RABGAP1L: variants seen among roughly 807,000 people sequenced by gnomAD.
The protein encoded by RABGAP1L is RAB GTPase activating protein 1 like, also known as rab GTPase-activating protein 1-like.
A neutral mutation model predicts 137.7 loss-of-function variants in RABGAP1L; 63 were observed. That is an observed-to-expected ratio of 0.46 (90% CI 0.37 to 0.56). The LOEUF (loss-of-function observed/expected upper bound fraction) is 0.56. Ranked by LOEUF, RABGAP1L falls within the 20% of genes least tolerant of loss-of-function variation. RABGAP1L has a pLI of 0.00. For synonymous variants in RABGAP1L, 431 were observed against 433.7 expected, an observed-to-expected ratio of 0.99 and a Z score of 0.08; for missense variants, 1,095 against 1,244.0, an observed-to-expected ratio of 0.88 and a Z score of 1.80.
chr1:174,540,811 T>C (rs1011372243), intron 13 of RABGAP1L, among the ~76,000 whole-genome samples: 5 of 152,180 alleles, frequency 3.3e-5, no homozygotes, highest in Non-Finnish European at 5.9e-5. Flanking sequence ...TTTAAAGTAG[T>C]TTTTTCCAAT....
intron 13 of RABGAP1L, among the ~76,000 whole-genome samples, chr1:174,431,828 G>A (rs1652667568): frequency 6.6e-6 from 1 of 152,140 alleles, no homozygotes. Flanking sequence ...ATTAAATTAT[G>A]TCAGAATTCT....
chr1:174,675,410 G>A (rs1319409575), intron 14 of RABGAP1L, among the ~76,000 whole-genome samples: 27 of 149,140 alleles, frequency 1.8e-4, no homozygotes, highest in African/African-American at 3.9e-4. Flanking sequence ...GATATGTGGC[G>A]TTATTTCTGA....
intron 18 of RABGAP1L, among the ~76,000 whole-genome samples, chr1:174,797,262 A>G (rs916833631): frequency 1.3e-5 from 2 of 152,192 alleles, no homozygotes; most frequent in Non-Finnish European, 2.9e-5. Flanking sequence ...TCAACTAGAA[A>G]AAAATCCTAT....
At chr1:174,171,550 T>C (rs1411560867) in intron 1 of RABGAP1L, among the ~76,000 whole-genome samples, 1 of 152,128 alleles carries the variant, frequency 6.6e-6, no homozygotes, top group Non-Finnish European at 1.5e-5. Context: ...TGAATAATTA[T>C]AGACTTCGCG....
intron 14 of RABGAP1L, among the ~76,000 whole-genome samples, chr1:174,647,963 A>G (rs1191352608): frequency 2.0e-5 from 3 of 151,904 alleles, no homozygotes; most frequent in Admixed American, 2.0e-4. Context: ...GAATTCATCC[A>G]TTTCTTCTAG....
intron 18 of RABGAP1L, among the ~76,000 whole-genome samples, chr1:174,801,899 G>A (rs1224090532): frequency 6.6e-6 from 1 of 152,162 alleles, no homozygotes; most frequent in African/African-American, 2.4e-5. Context: ...ATCAGGCTTG[G>A]TCTAATATAT....
intron 18 of RABGAP1L, among the ~76,000 whole-genome samples, chr1:174,765,844 G>T (rs1174016585): frequency 6.6e-6 from 1 of 152,076 alleles, no homozygotes; most frequent in African/African-American, 2.4e-5. Context: ...TTTTATAATT[G>T]TAGCTTTTAC....
intron 13 of RABGAP1L, among the ~76,000 whole-genome samples, 172 bp from the exon 14 acceptor site, chr1:174,637,203 G>T (rs528917254): frequency 8.5e-5 from 13 of 152,306 alleles, no homozygotes; most frequent in African/African-American, 2.6e-4. Flanking sequence ...CAAAGGAGCT[G>T]TTGGTAGCAC....
chr1:174,562,229 G>A (rs1290811058), intron 13 of RABGAP1L, among the ~76,000 whole-genome samples: 1 of 152,206 alleles, frequency 6.6e-6, no homozygotes, highest in Non-Finnish European at 1.5e-5. Context: ...AGACATTTAT[G>A]CAGCCAACAA....
intron 17 of RABGAP1L, among the ~76,000 whole-genome samples, chr1:174,707,158 A>C (rs1419398368): frequency 6.6e-6 from 1 of 152,208 alleles, no homozygotes; most frequent in Non-Finnish European, 1.5e-5. Flanking sequence ...CATGAGCATT[A>C]ACTTTGAGTT....
chr1:174,558,817 T>C lies in RABGAP1L; in HGVS notation c.1711-78558T>C, dbSNP rs187186689. Among the ~76,000 whole-genome samples the C allele has an allele frequency of 2.8e-3, 434 of 152,334 alleles. 5 individuals are homozygous for C. Among genetic ancestry groups the C allele is most frequent in the African/African-American group, 9.9e-3 (413 of 41,588 alleles). On this transcript the variant is annotated intron_variant, in intron 13 of 25. Transcript: ENST00000681986. ...AAGACATGACAAATCTATAGACTTA[T>C]GGTTCAGGCAGATACTTTCTTTAGT...
chr1:174,894,178 A>C (rs1656749003), intron 19 of RABGAP1L, among the ~76,000 whole-genome samples: 1 of 152,264 alleles, frequency 6.6e-6, no homozygotes, highest in African/African-American at 2.4e-5. Flanking sequence ...TCCTCTAAAT[A>C]GTTAACATTT....
chr1:174,712,669 A>G (rs1680653246), intron 17 of RABGAP1L, among the ~76,000 whole-genome samples: 1 of 152,216 alleles, frequency 6.6e-6, no homozygotes, highest in Non-Finnish European at 1.5e-5. Flanking sequence ...CAGGCTGCCC[A>G]GCAGTAGCTA....
chr1:174,903,738 G>T (rs1558213274), intron 19 of RABGAP1L, among the ~76,000 whole-genome samples: 1 of 152,066 alleles, frequency 6.6e-6, no homozygotes, highest in Non-Finnish European at 1.5e-5. Flanking sequence ...ATCACCTGAG[G>T]TCGGGAATTT....
At chr1:174,757,143 T>C (rs896083865) in intron 18 of RABGAP1L, 4 of 417,712 alleles carry the variant, frequency 9.6e-6, no homozygotes, top group Non-Finnish European at 1.5e-5. Flanking sequence ...AATTGTCAGC[T>C]TCAGTTCCCA....
chr1:174,172,347 A>G (rs577444450), intron 1 of RABGAP1L, among the ~76,000 whole-genome samples: 2 of 152,182 alleles, frequency 1.3e-5, no homozygotes, highest in African/African-American at 4.8e-5. Flanking sequence ...TGCTGATTTC[A>G]GTTTCTTTGG....
Position 174,986,099 on chromosome 1 carries a change from C to T in RABGAP1L, c.2806-2542C>T, listed in dbSNP as rs148841731. ...GATTACAGTCACGCGCCTCCACACC[C>T]GGCTAATTTTTGTATTTTTAGTAGA... is the stretch of plus-strand genomic sequence containing the variant. On this transcript the variant is annotated intron_variant, in intron 24 of 25. Coordinates refer to ENST00000681986, the MANE Select transcript of RABGAP1L (RefSeq NM_001366446.1). 2.8e-3 allele frequency among the ~76,000 whole-genome samples: 426 copies of T among 152,216 alleles called. 4 individuals carry two copies. The highest frequency in any genetic ancestry group is 9.8e-3 in the African/African-American group (405 of 41,526).
At chr1:174,620,338 T>C (rs909171849) in intron 13 of RABGAP1L, among the ~76,000 whole-genome samples, 1 of 152,206 alleles carries the variant, frequency 6.6e-6, no homozygotes, top group African/African-American at 2.4e-5. Context: ...TACATTCTTT[T>C]CAGCACCACA....
chr1:174,511,417 G>GCA (rs1662324158), intron 13 of RABGAP1L, among the ~76,000 whole-genome samples: 1 of 152,068 alleles, frequency 6.6e-6, no homozygotes. Flanking sequence ...ACTCTAAGAA[G>GCA]CATGAATTTA....
Sources: gnomAD v4.1 joint callset for allele counts (sites outside exome capture counted in the v4.1 genomes callset) on GRCh38, gnomAD v4.1.1 for gene constraint, MANE v1.5 for transcripts, NCBI Gene and HGNC (gene_info 2026-07-23, HGNC 2026-07-21) for gene names.